Variants in BCAS3 observed in about 807,000 individuals in gnomAD.
BCAS3 encodes BCAS4/BCAS3 fusion.
In BCAS3, 53 loss-of-function variants were observed where a neutral mutation model predicts 116.1. That is an observed-to-expected ratio of 0.46 (90% CI 0.37 to 0.57). BCAS3 has a LOEUF of 0.57. Ranked by LOEUF, BCAS3 falls within the 20% of genes least tolerant of loss-of-function variation. The pLI is 0.00. For missense variants in BCAS3, 917 were observed against 1,165.4 expected, an observed-to-expected ratio of 0.79 and a Z score of 3.10; for synonymous variants, 391 against 408.2, an observed-to-expected ratio of 0.96 and a Z score of 0.51.
At chr17:60,864,827 G>A (rs2054456857) in intron 7 of BCAS3, among the ~76,000 whole-genome samples, 1 of 152,138 alleles carries the variant, frequency 6.6e-6, no homozygotes, top group Admixed American at 6.5e-5. Flanking sequence ...TGAACACTTA[G>A]AGGCTATTGT....
rs71370187 is a variant in BCAS3 at position 61,089,509 on chromosome 17, C to CTTT, written c.2425+4981_2425+4983dup. On this transcript the variant is annotated intron_variant, in intron 22 of 23. Coordinates refer to ENST00000407086, the MANE Select transcript of BCAS3 (RefSeq NM_017679.5). ...TTTTTCTTCGAGACGGAGTTTCACT[C>CTTT]TTTTTTTTTTTTTTTTTTTTTTTTT... 4.5e-4 allele frequency among the ~76,000 whole-genome samples: 12 copies of CTTT among 26,750 alleles called. 4 individuals are homozygous for CTTT. Among genetic ancestry groups the CTTT allele is most frequent in the Admixed American group, 9.7e-4 (2 of 2,056 alleles). 17.5% of individuals were successfully genotyped at this position (26,750 alleles called of 152,430 possible).
At chr17:60,724,483 GGGAGGC>G (rs2039613421) in intron 5 of BCAS3, among the ~76,000 whole-genome samples, 1 of 150,442 alleles carries the variant, frequency 6.6e-6, no homozygotes, top group Non-Finnish European at 1.5e-5. Flanking sequence ...CCAGCACTTT[GGGAGGC>G]GGAGGCGGTC....
At chr17:60,807,904 G>T in intron 6 of BCAS3, 100 bp from the exon 7 acceptor site, 9 of 758,866 alleles carry the variant, frequency 1.2e-5, no homozygotes, top group African/African-American at 1.8e-5. Context: ...AACTTATAAT[G>T]AATACTTCTC....
rs2058071047 is a variant in BCAS3, at chr17:61,355,064, C to T, written c.2426-13263C>T. 6.6e-6 allele frequency: 1 copy of T among 152,124 alleles called. No homozygotes were observed. Among genetic ancestry groups the T allele is most frequent in the African/African-American group, 2.4e-5 (1 of 41,434 alleles). The allele number at this position is 152,124 out of a possible 1,614,324, so 9.4% of individuals were successfully genotyped here. On this transcript the variant is annotated intron_variant, in intron 22 of 23. Coordinates refer to ENST00000407086, the MANE Select transcript of BCAS3 (RefSeq NM_017679.5). The surrounding 1 kb of genome is among the most constrained non-coding windows in gnomAD (Gnocchi z 4.2). ...CCCAAGGCCAGCAGGGGGCCCAGGC[C>T]TGCAAAGCTGGGCCTCCAGACACCT...
intron 22 of BCAS3, among the ~76,000 whole-genome samples, chr17:61,257,753 C>G (rs901756841): frequency 1.3e-5 from 2 of 152,166 alleles, no homozygotes; most frequent in Non-Finnish European, 2.9e-5. Flanking sequence ...AAATGTGTGA[C>G]TTACACTTAG....
At chr17:61,031,998 T>G (rs967721195) in intron 16 of BCAS3, among the ~76,000 whole-genome samples, 1 of 152,126 alleles carries the variant, frequency 6.6e-6, no homozygotes, top group African/African-American at 2.4e-5. Context: ...AGATTTTAGC[T>G]TTTGACATGA....
intron 4 of BCAS3, among the ~76,000 whole-genome samples, chr17:60,708,099 G>A (rs2037400696): frequency 6.6e-6 from 1 of 152,062 alleles, no homozygotes; most frequent in African/African-American, 2.4e-5. Context: ...CGAGGCAGGT[G>A]GATTGCTTGA....
intron 22 of BCAS3, among the ~76,000 whole-genome samples, chr17:61,110,784 G>C (rs1345376899): frequency 1.3e-5 from 2 of 150,316 alleles, no homozygotes; most frequent in African/African-American, 2.4e-5. Flanking sequence ...TCCACCTCTG[G>C]GGGCAGGGCA....
rs1439455871 is a variant in BCAS3, at chr17:60,994,922, G to A, written c.1486+4687G>A. Reference sequence around the variant, plus strand: ...CTTCCTATTAGATTGACTTCTGTGAGCACAAAGTCTTTTTGGTGTTTCTAT... The same window carrying A: ...CTTCCTATTAGATTGACTTCTGTGAACACAAAGTCTTTTTGGTGTTTCTAT... On this transcript the variant is annotated intron_variant, in intron 15 of 23. Coordinates refer to ENST00000407086, the MANE Select transcript of BCAS3 (RefSeq NM_017679.5). This position sits in a 1 kb window ranked among gnomAD's most constrained non-coding sequence, Gnocchi z 4.4. Among the ~76,000 whole-genome samples the A allele has an allele frequency of 6.6e-6, 1 of 152,168 alleles. No homozygotes were observed. Among genetic ancestry groups the A allele is most frequent in the Non-Finnish European group, 1.5e-5 (1 of 68,024 alleles).
chr17:61,197,598 T>A (rs1315832917), intron 22 of BCAS3, among the ~76,000 whole-genome samples: 1 of 152,196 alleles, frequency 6.6e-6, no homozygotes, highest in Non-Finnish European at 1.5e-5. Flanking sequence ...AGATACCTCC[T>A]CTAATGAGTA....
chr17:61,015,985 G>A, intron 16 of BCAS3, 84 bp downstream of exon 16: 1 of 1,384,408 alleles, frequency 7.2e-7, no homozygotes, highest in Non-Finnish European at 1.0e-6. Context: ...TTCTTTGTGT[G>A]GTTTTTATTA....
rs1046466557 is a variant in BCAS3, at chr17:60,956,290, C to G, written c.1221+8938C>G. On this transcript the variant is annotated intron_variant, in intron 14 of 23. Transcript: ENST00000407086. The surrounding 1 kb of genome is among the most constrained non-coding windows in gnomAD (Gnocchi z 4.2). ...TGTCCTTACTTTCTGGCACAACTAA[C>G]TTGCTTACCCTTAAGTTTAATTATT... 6.6e-6 allele frequency among the ~76,000 whole-genome samples: 1 copy of G among 152,288 alleles called. No individual in the cohort carries two copies. Among genetic ancestry groups the G allele is most frequent in the Admixed American group, 6.5e-5 (1 of 15,308 alleles).
At chr17:61,176,138 C>CAAAAAAAAAAAA (rs534042215) in intron 22 of BCAS3, among the ~76,000 whole-genome samples, 142 of 49,228 alleles carry the variant, frequency 2.9e-3, no homozygotes, top group Non-Finnish European at 3.5e-3. Context: ...GACCCTATCT[C>CAAAAAAAAAAAA]AAAAAAAAAA....
chr17:61,207,831 G>A lies in BCAS3; in HGVS notation c.2425+123267G>A, dbSNP rs2081232968. Among the ~76,000 whole-genome samples the A allele has an allele frequency of 2.0e-5, 3 of 152,076 alleles. No individual in the cohort carries two copies. The South Asian group carries it at 6.2e-4, about 32-fold the overall frequency. On this transcript the variant is annotated intron_variant, in intron 22 of 23. Coordinates refer to ENST00000407086, the MANE Select transcript of BCAS3 (RefSeq NM_017679.5). ...CTTAGAGTTGTGAGATTTAAACTAA[G>A]AGAAATAAGGTACATATATATTTGT...
At chr17:60,831,078 C>T (rs1568342009) in intron 7 of BCAS3, among the ~76,000 whole-genome samples, 1 of 152,052 alleles carries the variant, frequency 6.6e-6, no homozygotes, top group Non-Finnish European at 1.5e-5. Flanking sequence ...TCTCGAACTC[C>T]TGAACTCAAG....
intron 22 of BCAS3, among the ~76,000 whole-genome samples, chr17:61,185,508 C>A (rs536497156): frequency 6.6e-6 from 1 of 152,048 alleles, no homozygotes; most frequent in South Asian, 2.1e-4. Flanking sequence ...AGTTAGAGAT[C>A]GGAAGTAACC....
At chr17:61,002,889 T>A (rs1404828496) in intron 15 of BCAS3, among the ~76,000 whole-genome samples, 1 of 152,158 alleles carries the variant, frequency 6.6e-6, no homozygotes, top group African/African-American at 2.4e-5. Context: ...CTATTAACAT[T>A]GATTGGACAC....
intron 16 of BCAS3, among the ~76,000 whole-genome samples, chr17:61,030,672 T>C (rs765144733): frequency 6.6e-6 from 1 of 152,094 alleles, no homozygotes. Context: ...GTTAATTTGG[T>C]TATTCGGTTT....
At position 60,812,933 on chromosome 17, in the gene BCAS3, A is replaced by G. The variant is rs535933330; in HGVS notation, c.476+4857A>G. Among the ~76,000 whole-genome samples the G allele has an allele frequency of 9.9e-5, 15 of 152,200 alleles. No individual in the cohort carries two copies. The South Asian group carries it at 2.5e-3, about 25-fold the overall frequency. On this transcript the variant is annotated intron_variant, in intron 7 of 23. Transcript: ENST00000407086. ...AAAAAATTTCTTTTTTTAAGAGATAAGTTCCCACGATGTTACCCAGGCTGG... is the reference window on the plus strand; with the variant it reads ...AAAAAATTTCTTTTTTTAAGAGATAGGTTCCCACGATGTTACCCAGGCTGG...
Sources: gnomAD v4.1 joint callset for allele counts (sites outside exome capture counted in the v4.1 genomes callset) on GRCh38, gnomAD v4.1.1 for gene constraint, Gnocchi (gnomAD v3.1) non-coding constraint, MANE v1.5 for transcripts, NCBI Gene and HGNC (gene_info 2026-07-23, HGNC 2026-07-21) for gene names.